The following DTNB variants were observed in gnomAD, a reference collection of about 807,000 sequenced individuals.
DTNB encodes the protein dystrobrevin beta.
Under a neutral mutation model 90.7 loss-of-function variants are expected in DTNB, and 63 were observed. The observed-to-expected ratio is 0.69, with a 90% CI of 0.57 to 0.86. DTNB has a LOEUF of 0.86. Among genes scored for constraint, DTNB ranks in the 40% least tolerant of loss-of-function variants. The pLI is 0.00. For synonymous variants in DTNB, 277 were observed against 286.7 expected (o/e 0.97, Z 0.34); for missense variants, 744 against 807.1 (o/e 0.92, Z 0.95).
At chr2:25,604,203 CCAA>C (rs142633355) in intron 5 of DTNB, among the ~76,000 whole-genome samples, 38 of 151,978 alleles carry the variant, frequency 2.5e-4, no homozygotes, top group Admixed American at 3.3e-4. Context: ...ACCACCACCA[CCAA>C]CAACAACAAA....
chr2:25,506,097 A>T (rs1575187553), intron 9 of DTNB, among the ~76,000 whole-genome samples: 1 of 152,276 alleles, frequency 6.6e-6, no homozygotes, highest in East Asian at 1.9e-4. Flanking sequence ...GATCCCATAC[A>T]GGTAGAGAGT....
rs149743299 is a variant in DTNB, at chr2:25,627,423, A to G, written c.362+748T>C. On this transcript the variant is annotated intron_variant, in intron 4 of 20. Coordinates refer to ENST00000406818, the MANE Select transcript of DTNB (RefSeq NM_021907.5). ...GAGAGAAACTCCATCTCAAAAAAAA[A>G]AGAGAGAAAATCAGTTACTATAGTC... Among the ~76,000 whole-genome samples, 131 of 152,276 alleles carry G rather than the reference A, an allele frequency of 8.6e-4. 1 individual carries two copies. Among genetic ancestry groups the G allele is most frequent in the African/African-American group, 3.0e-3 (123 of 41,566 alleles).
intron 9 of DTNB, among the ~76,000 whole-genome samples, chr2:25,525,234 A>G (rs1282188013): frequency 5.9e-5 from 9 of 152,268 alleles, no homozygotes; most frequent in Admixed American, 3.3e-4. Flanking sequence ...AAAGTATAAA[A>G]TCATGAATAC....
intron 8 of DTNB, among the ~76,000 whole-genome samples, chr2:25,536,714 G>A (rs1288756630): frequency 6.6e-6 from 1 of 152,150 alleles, no homozygotes; most frequent in African/African-American, 2.4e-5. Flanking sequence ...GGGAGACAGA[G>A]AGCGAGAGCG....
rs1458399402 is a variant in DTNB, at chr2:25,457,158, C to A, written c.1080-1664G>T. Among the ~76,000 whole-genome samples the A allele has an allele frequency of 2.0e-5, 3 of 151,978 alleles. No homozygotes were observed. The East Asian group carries it at 5.8e-4, about 29-fold the overall frequency. On this transcript the variant is annotated intron_variant, in intron 10 of 20. Transcript: ENST00000406818. ...CTGTGTAGCTGGGATTATAGGCGTGCGCCACCACGCCCAGCTAATTTTTGT... is the reference window on the plus strand; with the variant it reads ...CTGTGTAGCTGGGATTATAGGCGTGAGCCACCACGCCCAGCTAATTTTTGT...
intron 14 of DTNB, among the ~76,000 whole-genome samples, chr2:25,431,141 G>C (rs2053722147): frequency 6.6e-6 from 1 of 151,820 alleles, no homozygotes. Context: ...CTTCTTTCAT[G>C]GTAATTCTGA....
rs770956044 is a variant in DTNB, at chr2:25,388,329, G to T, written c.1608C>A (p.Pro536=). The T allele has an allele frequency of 3.1e-6, 5 of 1,612,798 alleles. No homozygotes were observed. Among genetic ancestry groups the T allele is most frequent in the Non-Finnish European group, 3.4e-6 (4 of 1,179,106 alleles). The part of the protein sequence containing the change: ...AQATGSPHTS[P]THGGGRPMPM... ...GCATTGGCCGGCCGCCTCCATGGGT[G>T]GGCGATGTATGTGGTGACCCTGTGG... The change falls in exon 17 of 21, where the codon CCC becomes CCA. Residue 536 remains proline (P), a synonymous_variant. Transcript: ENST00000406818.
rs377007235 is a variant in DTNB at position 25,455,388 on chromosome 2, G to A, written c.1169+17C>T. On this transcript the variant is annotated intron_variant, in intron 11 of 20. Transcript: ENST00000406818. ...TGATCACCCGTGGCTACCCACTGCT[G>A]CTGCACCACCACTGACCGTGCACAG... 2 of 1,577,806 alleles carry A rather than the reference G, an allele frequency of 1.3e-6. No homozygotes were observed. The highest frequency in any genetic ancestry group is 1.7e-6 in the Non-Finnish European group (2 of 1,162,714).
At chr2:25,545,042 C>T (rs1281139162) in intron 8 of DTNB, among the ~76,000 whole-genome samples, 2 of 152,132 alleles carry the variant, frequency 1.3e-5, no homozygotes, top group Non-Finnish European at 2.9e-5. Flanking sequence ...CTTTACTCAC[C>T]TTTCACACTT....
At chr2:25,607,009 CTT>C in intron 5 of DTNB, among the ~76,000 whole-genome samples, 1 of 152,166 alleles carries the variant, frequency 6.6e-6, no homozygotes, top group Non-Finnish European at 1.5e-5. Flanking sequence ...GATTCTGAGT[CTT>C]TTCCATTTTC....
At chr2:25,582,540 T>G (rs1212599329) in intron 6 of DTNB, among the ~76,000 whole-genome samples, 2 of 152,096 alleles carry the variant, frequency 1.3e-5, no homozygotes. Flanking sequence ...TGAGGGACAA[T>G]CTCATCTCCA....
chr2:25,387,455 T>C lies in DTNB; in HGVS notation c.1736-77A>G. On this transcript the variant is annotated intron_variant, in intron 17 of 20. Transcript: ENST00000406818. This position sits in a 1 kb window ranked among gnomAD's most constrained non-coding sequence, Gnocchi z 4.5. ...GAGACGGCTGAGCAAATGCCTCAGTTCTGCCAGGCCCGAGAACACAGGTGT... is the reference window on the plus strand; with the variant it reads ...GAGACGGCTGAGCAAATGCCTCAGTCCTGCCAGGCCCGAGAACACAGGTGT... 7.2e-7 allele frequency: 1 copy of C among 1,397,432 alleles called. No individual in the cohort carries two copies. The highest frequency in any genetic ancestry group is 1.0e-6 in the Non-Finnish European group (1 of 999,824). The allele number at this position is 1,397,432 out of a possible 1,614,324, so 86.6% of individuals were successfully genotyped here.
intron 6 of DTNB, among the ~76,000 whole-genome samples, chr2:25,589,525 C>A (rs1054852302): frequency 6.6e-6 from 1 of 151,328 alleles, no homozygotes; most frequent in African/African-American, 2.4e-5. Context: ...GGACTACAGG[C>A]GCCCGCCACC....
intron 1 of DTNB, among the ~76,000 whole-genome samples, chr2:25,665,489 G>A (rs1248648035): frequency 6.6e-6 from 1 of 152,140 alleles, no homozygotes; most frequent in Non-Finnish European, 1.5e-5. Context: ...AGCCAGATAT[G>A]GTGACATGCG....
intron 16 of DTNB, among the ~76,000 whole-genome samples, chr2:25,391,976 C>T (rs938860998): frequency 1.3e-5 from 2 of 152,062 alleles, no homozygotes; most frequent in Non-Finnish European, 2.9e-5. Context: ...TCTGAAAGAG[C>T]ACAGACAATC....
intron 8 of DTNB, among the ~76,000 whole-genome samples, chr2:25,571,625 A>G (rs2059882247): frequency 6.6e-6 from 1 of 151,596 alleles, no homozygotes; most frequent in African/African-American, 2.4e-5. Context: ...TCCCTATTCA[A>G]CCTCCAATCT....
At chr2:25,664,370 C>G (rs1272712646) in intron 1 of DTNB, among the ~76,000 whole-genome samples, 3 of 152,198 alleles carry the variant, frequency 2.0e-5, no homozygotes, top group Admixed American at 6.5e-5. Context: ...TGTGAGCCAT[C>G]TGTCTATTTA....
chr2:25,386,083 C>G, intron 18 of DTNB: 1 of 985,430 alleles, frequency 1.0e-6, no homozygotes, highest in Non-Finnish European at 1.2e-6. Flanking sequence ...AGAGCGGGGC[C>G]GTGCTTCTGA....
At position 25,628,296 on chromosome 2, in the gene DTNB, G is replaced by C; in HGVS notation, c.237C>G (p.Ser79=). 8 of 1,613,372 alleles carry C rather than the reference G, an allele frequency of 5.0e-6. No individual in the cohort carries two copies. The highest frequency in any genetic ancestry group is 5.9e-6 in the Non-Finnish European group (7 of 1,179,798). Residue 79 remains serine (S), a synonymous_variant, in exon 4 of 21, where the codon TCC becomes TCG. Coordinates refer to ENST00000406818, the MANE Select transcript of DTNB (RefSeq NM_021907.5). The part of the protein sequence containing the change: ...TLDHTTEISV[S]RLETVISSIY... ...TGGAGGAGATGACAGTTTCGAGGCG[G>C]GACACACTGATCTCGGTGGTATGGT...
Sources: gnomAD v4.1 joint callset for allele counts (sites outside exome capture counted in the v4.1 genomes callset) on GRCh38, gnomAD v4.1.1 for gene constraint, Gnocchi (gnomAD v3.1) non-coding constraint, MANE v1.5 for transcripts, NCBI Gene and HGNC (gene_info 2026-07-23, HGNC 2026-07-21) for gene names.